The following DNAJB4 variants were observed in gnomAD, a reference collection of about 807,000 sequenced individuals.
DNAJB4 encodes dnaJ homolog subfamily B member 4.
DNAJB4 carries 10 observed loss-of-function variants against 26.6 expected under a neutral mutation model. The observed-to-expected ratio is 0.38, with a 90% CI of 0.23 to 0.64. The LOEUF is 0.64. Among genes scored for constraint, DNAJB4 ranks in the 30% least tolerant of loss-of-function variants. The probability of loss-of-function intolerance (pLI) is 0.58; values close to 1 mark genes in which losing one functional copy is unlikely to be tolerated. For missense variants in DNAJB4, 328 were observed against 408.2 expected (o/e 0.80, Z 1.69); for synonymous variants, 136 against 134.8 (o/e 1.01, Z -0.06).
intron 1 of DNAJB4, among the ~76,000 whole-genome samples, chr1:78,012,651 A>G (rs1337822548): frequency 6.6e-6 from 1 of 152,032 alleles, no homozygotes; most frequent in Non-Finnish European, 1.5e-5. Flanking sequence ...CTCTACTAAA[A>G]ATACAAAATT....
intron 1 of DNAJB4, among the ~76,000 whole-genome samples, chr1:77,992,437 A>AAG (rs61585758): frequency 6.7e-6 from 1 of 149,392 alleles, no homozygotes; most frequent in African/African-American, 2.5e-5. Flanking sequence ...AAAAAAAAAA[A>AAG]GAACATAACA....
At chr1:77,998,866 A>AT (rs1253225185) in intron 1 of DNAJB4, among the ~76,000 whole-genome samples, 4 of 152,098 alleles carry the variant, frequency 2.6e-5, no homozygotes, top group African/African-American at 9.7e-5. Flanking sequence ...AAATAAATAG[A>AT]TTTTATGGGT....
intron 1 of DNAJB4, among the ~76,000 whole-genome samples, chr1:77,981,454 C>T (rs1430365664): frequency 6.6e-6 from 1 of 152,076 alleles, no homozygotes; most frequent in Non-Finnish European, 1.5e-5. Flanking sequence ...GCTGGGATGA[C>T]AGGCACCCAC....
intron 1 of DNAJB4, among the ~76,000 whole-genome samples, chr1:77,997,384 G>A (rs1312798767): frequency 6.6e-6 from 1 of 151,420 alleles, no homozygotes; most frequent in East Asian, 1.9e-4. Flanking sequence ...AGCAAGATGT[G>A]GTGGTGGTGT....
chr1:78,014,194 T>G (rs2102615608), intron 2 of DNAJB4, among the ~76,000 whole-genome samples: 1 of 152,020 alleles, frequency 6.6e-6, no homozygotes, highest in South Asian at 2.1e-4. Flanking sequence ...CTGCAACCTC[T>G]GCCTCCGGGT....
chr1:78,009,667 C>T (rs1038887907), intron 1 of DNAJB4, among the ~76,000 whole-genome samples: 1 of 152,146 alleles, frequency 6.6e-6, no homozygotes, highest in Admixed American at 6.5e-5. Context: ...GTGATACTTG[C>T]ATAATAATGT....
chr1:78,000,845 G>C (rs780268547), upstream of DNAJB4, among the ~76,000 whole-genome samples: 24 of 152,124 alleles, frequency 1.6e-4, no homozygotes, highest in Non-Finnish European at 2.6e-4. Context: ...TTAGCTGGGC[G>C]TGGTGGCACG....
rs955537975 is a variant in DNAJB4 at position 77,985,465 on chromosome 1, G to A, written c.-32+5143G>A. On this transcript the variant is annotated intron_variant, in intron 1 of 2. Transcript: ENST00000426517. ...AATTTTTTTATAAGAAATATCTGGA[G>A]GTACTATTTTTCTATGGTTTATCAT... 4.6e-5 allele frequency among the ~76,000 whole-genome samples: 7 copies of A among 152,010 alleles called. No individual in the cohort carries two copies. In the South Asian group the frequency reaches 1.0e-3, roughly 23 times the overall value.
chr1:77,995,514 G>T (rs926731113), intron 1 of DNAJB4, among the ~76,000 whole-genome samples: 2 of 152,146 alleles, frequency 1.3e-5, no homozygotes, highest in Non-Finnish European at 2.9e-5. Flanking sequence ...CAGTGGTGTC[G>T]TGATCATGGC....
At chr1:77,983,238 A>T (rs1248333791) in intron 1 of DNAJB4, among the ~76,000 whole-genome samples, 1 of 152,210 alleles carries the variant, frequency 6.6e-6, no homozygotes, top group Non-Finnish European at 1.5e-5. Context: ...TGCTGCCCGC[A>T]GGTCCCACCT....
At position 78,017,730 on chromosome 1, in the gene DNAJB4, C is replaced by T. The variant is rs1381440113; in HGVS notation, c.*1483C>T. 1 of 150,422 alleles carries T rather than the reference C, an allele frequency of 6.6e-6. No homozygotes were observed. The highest frequency in any genetic ancestry group is 1.5e-5 in the Non-Finnish European group (1 of 67,798). The allele number at this position is 150,422 out of a possible 1,614,324, so 9.3% of individuals were successfully genotyped here. ...TTTCATCTGTATGGATTTGTCTGTT[C>T]TGGACATTTCACATAAATAGACTCA... On this transcript the variant is annotated 3_prime_UTR_variant, in exon 3 of 3. Transcript: ENST00000370763.
upstream of DNAJB4, chr1:78,004,746 C>T (rs1252448893): frequency 9.8e-6 from 2 of 204,668 alleles, no homozygotes; most frequent in African/African-American, 2.3e-5. Context: ...TAGAGCTAGT[C>T]GGAAAATGAA....
At chr1:77,993,413 A>C (rs1301439122) in intron 1 of DNAJB4, among the ~76,000 whole-genome samples, 1 of 152,088 alleles carries the variant, frequency 6.6e-6, no homozygotes, top group Non-Finnish European at 1.5e-5. Context: ...TCCCGGGTTT[A>C]AACAATTCTC....
upstream of DNAJB4, among the ~76,000 whole-genome samples, chr1:78,003,341 A>C (rs1336172530): frequency 6.6e-6 from 1 of 151,574 alleles, no homozygotes; most frequent in Non-Finnish European, 1.5e-5. Context: ...ATAGCTGACA[A>C]ACCTCTGTAA....
At chr1:78,001,657 T>C (rs915526285), upstream of DNAJB4, among the ~76,000 whole-genome samples, 5 of 152,214 alleles carry the variant, frequency 3.3e-5, no homozygotes, top group Non-Finnish European at 7.3e-5. Context: ...TTTTAGTTTT[T>C]TGTGGTTAAA....
At chr1:77,998,442 A>G (rs914648387) in intron 1 of DNAJB4, among the ~76,000 whole-genome samples, 1 of 152,238 alleles carries the variant, frequency 6.6e-6, no homozygotes, top group Non-Finnish European at 1.5e-5. Flanking sequence ...AGGATTTCTA[A>G]AACAATTTAA....
intron 1 of DNAJB4, among the ~76,000 whole-genome samples, chr1:78,007,187 T>TA (rs1177357355): frequency 1.3e-5 from 2 of 152,116 alleles, no homozygotes; most frequent in Non-Finnish European, 2.9e-5. Context: ...ACATAATTGA[T>TA]ATAAGTGATA....
chr1:77,979,718 C>T (rs753707479), upstream of DNAJB4: 1 of 152,112 alleles, frequency 6.6e-6, no homozygotes, highest in Non-Finnish European at 1.5e-5. Context: ...TGTTAGTTCT[C>T]GACCATATTT....
At chr1:78,012,205 C>T (rs1441638052) in intron 1 of DNAJB4, among the ~76,000 whole-genome samples, 5 of 135,340 alleles carry the variant, frequency 3.7e-5, no homozygotes, top group East Asian at 2.2e-4. Flanking sequence ...CACTGTTGCC[C>T]GGGCTGGTGT....
Sources: allele counts gnomAD v4.1 joint callset (sites outside exome capture counted in the v4.1 genomes callset), GRCh38; gene constraint gnomAD v4.1.1; transcripts MANE v1.5; gene names NCBI Gene and HGNC (gene_info 2026-07-23, HGNC 2026-07-21).